IGSF10: variants seen among roughly 807,000 people sequenced by gnomAD.
IGSF10 encodes immunoglobulin superfamily member 10.
Under a neutral mutation model 128.2 loss-of-function variants are expected in IGSF10, and 126 were observed. The observed-to-expected ratio is 0.98, with a 90% CI of 0.85 to 1.14. IGSF10 has a LOEUF of 1.14. Among genes scored for constraint, IGSF10 ranks in the 50% most tolerant of loss-of-function variants. The probability of loss-of-function intolerance (pLI) is 0.00; values close to 1 mark genes in which losing one functional copy is unlikely to be tolerated. For synonymous variants in IGSF10, 1,185 were observed against 1,146.2 expected (o/e 1.03, Z -0.68); for missense variants, 3,295 against 3,149.8 (o/e 1.05, Z -1.10).
the IGSF10 span, among the ~76,000 whole-genome samples, chr3:151,570,723 A>T: frequency 6.6e-6 from 1 of 152,166 alleles, no homozygotes; most frequent in African/African-American, 2.4e-5. Context: ...TGCTGTGCAG[A>T]AGCTCTTTAG....
chr3:151,511,967 G>T, the IGSF10 span, among the ~76,000 whole-genome samples: 1 of 152,108 alleles, frequency 6.6e-6, no homozygotes, highest in Non-Finnish European at 1.5e-5. Context: ...CATAAAGCAA[G>T]TCCTTAGTGA....
rs1391988166 is a variant in IGSF10 at position 151,437,885 on chromosome 3, A to T, written c.6676T>A (p.Tyr2226Asn). The T allele has an allele frequency of 6.2e-7, 1 of 1,614,026 alleles. No homozygotes were observed. The highest frequency in any genetic ancestry group is 1.3e-5 in the African/African-American group (1 of 74,930). ...GGTTTAGAGACCACATCCAGTTTGT[A>T]CATTTTGGTGTCATCCCCACTGGGA... is the stretch of plus-strand genomic sequence containing the variant. ...RNPSGDDTKM[Y>N]KLDVVSKPPL... Residue 2226 changes from tyrosine (Y) to asparagine (N), a missense_variant, in exon 8 of 8, where the codon TAC becomes AAC. Physicochemically the swap from Tyr to Asn is moderately radical, Grantham distance 143. Coordinates refer to ENST00000282466, the MANE Select transcript of IGSF10 (RefSeq NM_178822.5).
At chr3:151,524,778 T>G in the IGSF10 span, among the ~76,000 whole-genome samples, 6 of 152,176 alleles carry the variant, frequency 3.9e-5, no homozygotes, top group South Asian at 1.2e-3. Context: ...CCGAAAAAGT[T>G]AAAAATACAT....
the IGSF10 span, among the ~76,000 whole-genome samples, chr3:151,561,457 A>G: frequency 6.6e-6 from 1 of 152,180 alleles, no homozygotes; most frequent in South Asian, 2.1e-4. Context: ...CATCTGTACA[A>G]AGAGGTGTAT....
At position 151,446,688 on chromosome 3, in the gene IGSF10, G is replaced by A. The variant is rs1253429675; in HGVS notation, c.3293C>T (p.Pro1098Leu). Reference sequence around the variant, plus strand: ...GACTAGAGTTGTAGACTCTTCTGATGGGACTCTAGCAATGTCAGCTTTGGG... The same window carrying A: ...GACTAGAGTTGTAGACTCTTCTGATAGGACTCTAGCAATGTCAGCTTTGGG... ...TFPKADIARV[P>L]SEESTTLVQN... Residue 1098 changes from proline (P) to leucine (L), a missense_variant, in exon 6 of 8, where the codon CCA becomes CTA. Physicochemically the swap from Pro to Leu is moderately conservative, Grantham distance 98. Coordinates refer to ENST00000282466, the MANE Select transcript of IGSF10 (RefSeq NM_178822.5). The A allele has an allele frequency of 5.0e-6, 8 of 1,613,856 alleles. No individual in the cohort carries two copies. The highest frequency in any genetic ancestry group is 1.3e-5 in the African/African-American group (1 of 74,904).
the IGSF10 span, among the ~76,000 whole-genome samples, chr3:151,503,018 A>T: frequency 6.6e-6 from 1 of 152,032 alleles, no homozygotes; most frequent in Non-Finnish European, 1.5e-5. Context: ...CTCCATCATC[A>T]CTCTCAGAGT....
chr3:151,539,309 C>T, the IGSF10 span, among the ~76,000 whole-genome samples: 1 of 152,104 alleles, frequency 6.6e-6, no homozygotes, highest in Non-Finnish European at 1.5e-5. Flanking sequence ...TTTCGCATAG[C>T]CGCTCTTAAG....
the IGSF10 span, among the ~76,000 whole-genome samples, chr3:151,539,778 A>G: frequency 6.8e-6 from 1 of 146,380 alleles, no homozygotes; most frequent in African/African-American, 2.7e-5. Context: ...CTATCTATCT[A>G]TCTATCTATC....
At chr3:151,450,325 C>T (rs935786480) in intron 5 of IGSF10, among the ~76,000 whole-genome samples, 1 of 152,198 alleles carries the variant, frequency 6.6e-6, no homozygotes, top group South Asian at 2.1e-4. Context: ...ATATGATGCA[C>T]TGGACATGGC....
rs1721195906 is a variant in IGSF10 at position 151,446,488 on chromosome 3, C to T, written c.3493G>A (p.Val1165Met). 1.2e-6 allele frequency: 2 copies of T among 1,614,150 alleles called. No individual in the cohort carries two copies. The highest frequency in any genetic ancestry group is 2.2e-5 in the East Asian group (1 of 44,882). The change falls in exon 6 of 8, where the codon GTG becomes ATG. Residue 1165 changes from valine (V) to methionine (M), a missense_variant. Transcript: ENST00000282466. ...CTTTTAGCTTCATTGGTGCTAGACA[C>T]ACGTGGGTAACTGGCGTTTACTTTG... is the stretch of plus-strand genomic sequence containing the variant. ...THKVNASYPR[V>M]SSTNEAKRDS...
chr3:151,487,447 T>C, the IGSF10 span, among the ~76,000 whole-genome samples: 1 of 151,992 alleles, frequency 6.6e-6, no homozygotes, highest in Non-Finnish European at 1.5e-5. Context: ...TTCCAAACAA[T>C]ACAAAAAGAA....
chr3:151,586,511 C>T, the IGSF10 span, among the ~76,000 whole-genome samples: 2 of 151,920 alleles, frequency 1.3e-5, no homozygotes, highest in Admixed American at 1.3e-4. Context: ...AGTATTATAA[C>T]CAGAGAATAT....
rs1278710719 is a variant in IGSF10, at chr3:151,443,858, T to A, written c.5089A>T (p.Asn1697Tyr). The change falls in exon 7 of 8, where the codon AAT (asparagine) becomes TAT (tyrosine). Residue 1697 changes from asparagine (N) to tyrosine (Y), a missense_variant. Physicochemically the swap from Asn to Tyr is moderately radical, Grantham distance 143. Transcript: ENST00000282466. ...SGLDLSKRKQ[N>Y]SRVQVLPNGT... ...TTGGGGAGAACCTGGACCCTGCTAT[T>A]CTGTTTCCTCTTAGATAAATCAAGT... 4 of 1,607,578 alleles carry A rather than the reference T, an allele frequency of 2.5e-6. No homozygotes were observed. Among genetic ancestry groups the A allele is most frequent in the Non-Finnish European group, 3.4e-6 (4 of 1,175,486 alleles).
At chr3:151,514,732 A>C in the IGSF10 span, among the ~76,000 whole-genome samples, 6 of 151,972 alleles carry the variant, frequency 3.9e-5, no homozygotes, top group South Asian at 1.2e-3. Context: ...ACAAAGGGCT[A>C]ATATCCAGAA....
chr3:151,437,484 GC>G lies in IGSF10; in HGVS notation c.7076del (p.Cys2359SerfsTer11). 6.2e-7 allele frequency: 1 copy of G among 1,614,146 alleles called. No homozygotes were observed. Among genetic ancestry groups the G allele is most frequent in the Non-Finnish European group, 8.5e-7 (1 of 1,180,036 alleles). ...CAGGTGGTGGGTTACCATCAACAGA[GC>G]AATTCAATGCTGTGGACTTTCCCAG... The part of the protein sequence containing the change: ...AQLGKSTALN[C>X]SVDGNPPPEI... On this transcript the variant is annotated frameshift_variant, in exon 8 of 8. Transcript: ENST00000282466. LOFTEE classifies it low-confidence loss of function (END_TRUNC).
chr3:151,432,810 C>T (rs1211120106), downstream of IGSF10: 1 of 1,610,370 alleles, frequency 6.2e-7, no homozygotes, highest in Non-Finnish European at 8.5e-7. Flanking sequence ...TCTGAATCTG[C>T]AAGAGGAGAA....
At chr3:151,567,632 C>G in the IGSF10 span, among the ~76,000 whole-genome samples, 1 of 152,132 alleles carries the variant, frequency 6.6e-6, no homozygotes, top group Non-Finnish European at 1.5e-5. Flanking sequence ...CCTACTGTAA[C>G]TAGCCCCCTA....
the IGSF10 span, among the ~76,000 whole-genome samples, chr3:151,579,855 G>C: frequency 8.7e-6 from 1 of 115,086 alleles, no homozygotes; most frequent in African/African-American, 3.3e-5. Flanking sequence ...AGGAAGGGAG[G>C]AGGGAGGAAG....
chr3:151,454,775 C>A (rs1577676177), intron 4 of IGSF10, among the ~76,000 whole-genome samples: 1 of 152,008 alleles, frequency 6.6e-6, no homozygotes, highest in Non-Finnish European at 1.5e-5. Context: ...GGGCAGATCA[C>A]TTGAGGCCAG....
Sources: gnomAD v4.1 joint callset for allele counts (sites outside exome capture counted in the v4.1 genomes callset) on GRCh38, gnomAD v4.1.1 for gene constraint, MANE v1.5 for transcripts, NCBI Gene and HGNC (gene_info 2026-07-23, HGNC 2026-07-21) for gene names.